Variants in GSDMC observed in about 807,000 individuals in gnomAD.
The protein encoded by GSDMC is gasdermin C.
Under a neutral mutation model 58.0 loss-of-function variants are expected in GSDMC, and 59 were observed. That is an observed-to-expected ratio of 1.02 (90% CI 0.82 to 1.26). The LOEUF is 1.26. GSDMC is among the 50% of genes most tolerant of loss of function. GSDMC has a pLI of 0.00. For missense variants in GSDMC, 659 were observed against 598.5 expected (o/e 1.10, Z -1.06); for synonymous variants, 241 against 220.2 (o/e 1.09, Z -0.83).
chr8:129,784,785 T>C (rs1310119029), intron 1 of GSDMC, among the ~76,000 whole-genome samples: 1 of 152,202 alleles, frequency 6.6e-6, no homozygotes, highest in African/African-American at 2.4e-5. Flanking sequence ...TGAAGAGATA[T>C]CTTCACTCCC....
At chr8:129,739,517 T>C in the GSDMC span, among the ~76,000 whole-genome samples, 44 of 152,338 alleles carry the variant, frequency 2.9e-4, no homozygotes, top group Non-Finnish European at 5.0e-4. Flanking sequence ...TCATGCATCA[T>C]ATAAAGACAT....
chr8:129,712,270 A>T, the GSDMC span, among the ~76,000 whole-genome samples: 3 of 152,218 alleles, frequency 2.0e-5, no homozygotes, highest in Non-Finnish European at 4.4e-5. Context: ...TTTATTTTTC[A>T]ATAGGTATAC....
intron 4 of GSDMC, among the ~76,000 whole-genome samples, chr8:129,763,549 G>C (rs538293460): frequency 6.6e-6 from 1 of 152,162 alleles, no homozygotes; most frequent in East Asian, 1.9e-4. Flanking sequence ...TTATTCAGGA[G>C]TAGTTAAATC....
chr8:129,777,677 A>G, intron 1 of GSDMC, 86 bp from the exon 2 acceptor site: 1 of 756,432 alleles, frequency 1.3e-6, no homozygotes, highest in Non-Finnish European at 2.3e-6. Flanking sequence ...CCCCTAAAGG[A>G]AAAGATCTAC....
intron 3 of GSDMC, among the ~76,000 whole-genome samples, chr8:129,770,008 C>T (rs78176908): frequency 6.6e-6 from 1 of 152,152 alleles, no homozygotes; most frequent in East Asian, 1.9e-4. Flanking sequence ...CTGTAATATT[C>T]TAAATGTGGT....
rs2033121552 is a variant in GSDMC at position 129,750,122 on chromosome 8, A to G, written c.1084-3T>C. ...TGACCTGAGCTGTCCAATTCCAGCTATAGAAGACAGGTATTATTGTTAATA... is the reference window on the plus strand; with the variant it reads ...TGACCTGAGCTGTCCAATTCCAGCTGTAGAAGACAGGTATTATTGTTAATA... On this transcript the variant is annotated splice_polypyrimidine_tract_variant and splice_region_variant and intron_variant, in intron 11 of 13. Coordinates refer to ENST00000276708, the MANE Select transcript of GSDMC (RefSeq NM_031415.3). The G allele has an allele frequency of 3.2e-6, 5 of 1,558,374 alleles. No homozygotes were observed. The highest frequency in any genetic ancestry group is 2.8e-5 in the African/African-American group (2 of 72,238).
the GSDMC span, among the ~76,000 whole-genome samples, chr8:129,715,267 G>A: frequency 6.6e-6 from 1 of 152,022 alleles, no homozygotes; most frequent in African/African-American, 2.4e-5. Context: ...ACTAAACACT[G>A]TTCTGGCCCA....
At chr8:129,765,266 T>G (rs1483410756) in intron 4 of GSDMC, among the ~76,000 whole-genome samples, 1 of 152,198 alleles carries the variant, frequency 6.6e-6, no homozygotes, top group African/African-American at 2.4e-5. Context: ...GGTTTGGTAT[T>G]AGTGGTCCCT....
chr8:129,784,782 A>C lies in GSDMC; in HGVS notation c.-5+1229T>G, dbSNP rs188366974. 3.8e-4 allele frequency among the ~76,000 whole-genome samples: 58 copies of C among 152,348 alleles called. No homozygotes were observed. The South Asian group carries it at 8.1e-3, about 21-fold the overall frequency. On this transcript the variant is annotated intron_variant, in intron 1 of 13. Coordinates refer to ENST00000276708, the MANE Select transcript of GSDMC (RefSeq NM_031415.3). ...GAAAGAAAACCAGTATATTGAAGAG[A>C]TATCTTCACTCCCATGTTTGTTGCA...
the GSDMC span, among the ~76,000 whole-genome samples, chr8:129,708,644 A>G: frequency 6.6e-6 from 1 of 152,278 alleles, no homozygotes; most frequent in African/African-American, 2.4e-5. Flanking sequence ...AGTCAGGGGC[A>G]ATGGATTCGG....
At chr8:129,723,282 C>A in the GSDMC span, among the ~76,000 whole-genome samples, 3 of 152,076 alleles carry the variant, frequency 2.0e-5, no homozygotes, top group Admixed American at 6.6e-5. Context: ...TCTCTGTCGC[C>A]CAAGCTGGAG....
At chr8:129,772,285 G>C (rs1268883100) in intron 3 of GSDMC, among the ~76,000 whole-genome samples, 4 of 146,808 alleles carry the variant, frequency 2.7e-5, no homozygotes, top group Admixed American at 6.8e-5. Context: ...AAAAAGATTA[G>C]AGCAGAATAA....
At chr8:129,766,508 C>T (rs761669530) in intron 3 of GSDMC, among the ~76,000 whole-genome samples, 9 of 152,178 alleles carry the variant, frequency 5.9e-5, no homozygotes, top group East Asian at 1.9e-4. Flanking sequence ...AAGGTTACTG[C>T]GCACACAATA....
the GSDMC span, among the ~76,000 whole-genome samples, chr8:129,709,143 C>A: frequency 2.0e-5 from 3 of 150,306 alleles, no homozygotes; most frequent in Non-Finnish European, 4.4e-5. Context: ...CATGGCACTT[C>A]TATTTCCAGC....
the GSDMC span, among the ~76,000 whole-genome samples, chr8:129,731,035 A>C: frequency 6.6e-6 from 1 of 152,222 alleles, no homozygotes; most frequent in Non-Finnish European, 1.5e-5. Context: ...TTTAAACATA[A>C]AGTGGTAGAA....
chr8:129,782,202 T>C (rs1563818115), intron 1 of GSDMC, among the ~76,000 whole-genome samples: 1 of 152,146 alleles, frequency 6.6e-6, no homozygotes, highest in Non-Finnish European at 1.5e-5. Context: ...ACCCATGGGA[T>C]ACAGCAAAAG....
intron 1 of GSDMC, among the ~76,000 whole-genome samples, chr8:129,783,232 A>G (rs2034466563): frequency 6.6e-6 from 1 of 151,520 alleles, no homozygotes; most frequent in African/African-American, 2.4e-5. Flanking sequence ...GCCATATATT[A>G]CAGACTCACT....
intron 1 of GSDMC, among the ~76,000 whole-genome samples, chr8:129,782,330 C>T (rs1302462846): frequency 6.6e-6 from 1 of 151,612 alleles, no homozygotes; most frequent in African/African-American, 2.4e-5. Flanking sequence ...CAGCCCAAAC[C>T]CAAAATTAGT....
At chr8:129,784,920 A>G (rs982133503) in intron 1 of GSDMC, among the ~76,000 whole-genome samples, 4 of 152,206 alleles carry the variant, frequency 2.6e-5, no homozygotes, top group African/African-American at 7.2e-5. Flanking sequence ...GCCATAAAAA[A>G]GAATGAGATT....
Sources: allele counts gnomAD v4.1 joint callset (sites outside exome capture counted in the v4.1 genomes callset), GRCh38; gene constraint gnomAD v4.1.1; transcripts MANE v1.5; gene names NCBI Gene and HGNC (gene_info 2026-07-23, HGNC 2026-07-21).